Variants in MYCBP2 observed in about 807,000 individuals in gnomAD.
MYCBP2 encodes E3 ubiquitin-protein ligase MYCBP2.
MYCBP2 carries 120 observed loss-of-function variants against 525.3 expected under a neutral mutation model. That is an observed-to-expected ratio of 0.23 (90% CI 0.20 to 0.27). The LOEUF (loss-of-function observed/expected upper bound fraction) is 0.27. MYCBP2 is among the 10% of genes least tolerant of loss of function. MYCBP2 has a pLI of 1.00. For synonymous variants in MYCBP2, 1,894 were observed against 1,955.8 expected (o/e 0.97, Z 0.83); for missense variants, 4,149 against 5,657.1 (o/e 0.73, Z 8.55).
At chr13:77,068,215 T>C (rs2040515169) in intron 70 of MYCBP2, among the ~76,000 whole-genome samples, 1 of 152,176 alleles carries the variant, frequency 6.6e-6, no homozygotes, top group African/African-American at 2.4e-5. Context: ...ATACATACTA[T>C]TCAAATGGTA....
In MYCBP2 at chr13:77,288,349, T is replaced by C. The variant is rs748859335; in HGVS notation, c.406A>G (p.Ile136Val). ...KSENLENTVIIPDIKLHSNPS... is the reference protein window; with the variant it reads ...KSENLENTVIVPDIKLHSNPS... ...TTGCTATGTAGTTTGATATCTGGTA[T>C]GATTACTGTATTCTCTAAGTTTTCA... The change falls in exon 3 of 83, where the codon ATA (isoleucine) becomes GTA (valine). Residue 136 changes from isoleucine to valine, a missense_variant. Physicochemically the swap from Ile to Val is conservative, Grantham distance 29. Coordinates refer to ENST00000544440, the MANE Select transcript of MYCBP2 (RefSeq NM_015057.5). 3 of 1,613,832 alleles carry C rather than the reference T, an allele frequency of 1.9e-6. No homozygotes were observed. In the South Asian group the frequency reaches 3.3e-5, roughly 18 times the overall value.
At chr13:77,158,179 T>C (rs1165567828) in intron 44 of MYCBP2, 70 bp from the exon 45 acceptor site, 13 of 1,029,022 alleles carry the variant, frequency 1.3e-5, no homozygotes, top group Non-Finnish European at 1.6e-5. Flanking sequence ...TTTTTCAACA[T>C]GCAGATACTT....
At chr13:77,293,080 C>T (rs1334486685) in intron 2 of MYCBP2, among the ~76,000 whole-genome samples, 1 of 151,908 alleles carries the variant, frequency 6.6e-6, no homozygotes, top group African/African-American at 2.4e-5. Context: ...ACTTACTGAA[C>T]TGCAAACTTC....
intron 27 of MYCBP2, among the ~76,000 whole-genome samples, chr13:77,193,156 T>TA (rs1053374829): frequency 2.0e-5 from 3 of 151,886 alleles, no homozygotes; most frequent in African/African-American, 7.3e-5. Context: ...AATGAATAAA[T>TA]AAAGAAATAA....
intron 23 of MYCBP2, among the ~76,000 whole-genome samples, chr13:77,210,197 T>C (rs975036869): frequency 3.3e-5 from 5 of 151,738 alleles, no homozygotes; most frequent in Non-Finnish European, 7.4e-5. Context: ...ACAATAATTT[T>C]TTTTTCTTTT....
chr13:77,181,588 T>C (rs9593214), intron 33 of MYCBP2, 113 bp downstream of exon 33: 48,249 of 622,654 alleles, frequency 0.077, 2,258 homozygotes, highest in African/African-American at 0.16. Context: ...CCAAGCTAAA[T>C]ACGCTTAGCT....
At chr13:77,177,031 A>G (rs750962269) in intron 35 of MYCBP2, among the ~76,000 whole-genome samples, 17 of 152,028 alleles carry the variant, frequency 1.1e-4, no homozygotes, top group Non-Finnish European at 2.2e-4. Context: ...TTAATTTTAG[A>G]GAATATAGAA....
chr13:77,077,071 C>T (rs1244980744), intron 67 of MYCBP2, 77 bp downstream of exon 67: 2 of 1,528,424 alleles, frequency 1.3e-6, no homozygotes, highest in African/African-American at 2.8e-5. Flanking sequence ...TAATAAGTTT[C>T]ACAAAATATT....
chr13:77,160,020 C>A (rs2057698516), intron 44 of MYCBP2, among the ~76,000 whole-genome samples: 1 of 151,654 alleles, frequency 6.6e-6, no homozygotes, highest in Non-Finnish European at 1.5e-5. Flanking sequence ...TTATTGACAA[C>A]ACTACAGCTC....
intron 45 of MYCBP2, 35 bp downstream of exon 45, chr13:77,157,902 C>T (rs1184428946): frequency 6.5e-7 from 1 of 1,541,556 alleles, no homozygotes; most frequent in African/African-American, 1.4e-5. Flanking sequence ...AGATGAAAGC[C>T]CTAAAATAAA....
chr13:77,241,957 A>C (rs1031700840), intron 17 of MYCBP2, among the ~76,000 whole-genome samples: 11 of 152,342 alleles, frequency 7.2e-5, no homozygotes, highest in African/African-American at 2.6e-4. Context: ...AAACATTTCT[A>C]ATCAAAATTT....
chr13:77,074,030 C>T (rs559457859), intron 68 of MYCBP2, among the ~76,000 whole-genome samples: 4 of 113,350 alleles, frequency 3.5e-5, no homozygotes, highest in East Asian at 3.2e-4. Flanking sequence ...TTTAAAGAAA[C>T]GGTCAAGCTG....
chr13:77,205,426 T>C, intron 25 of MYCBP2, 43 bp from the exon 26 acceptor site: 2 of 1,612,396 alleles, frequency 1.2e-6, no homozygotes, highest in Non-Finnish European at 1.7e-6. Flanking sequence ...AAGATCCATA[T>C]ATATTTCAGT....
At chr13:77,216,945 C>T (rs2064905099) in intron 21 of MYCBP2, among the ~76,000 whole-genome samples, 1 of 152,080 alleles carries the variant, frequency 6.6e-6, no homozygotes, top group South Asian at 2.1e-4. Context: ...TACATACGTA[C>T]ACACACACAT....
At chr13:77,052,259 C>T (rs189681180) in intron 80 of MYCBP2, among the ~76,000 whole-genome samples, 48 of 152,232 alleles carry the variant, frequency 3.2e-4, no homozygotes, top group Middle Eastern at 3.4e-3. Flanking sequence ...AGCATAGTGG[C>T]GCAATCATGG....
chr13:77,148,364 C>T (rs968926445), intron 47 of MYCBP2, among the ~76,000 whole-genome samples: 2 of 151,818 alleles, frequency 1.3e-5, no homozygotes, highest in African/African-American at 2.4e-5. Context: ...ACTTTTTTTC[C>T]AGCCACTCAC....
At chr13:77,306,817 A>C (rs1341889316) in intron 1 of MYCBP2, among the ~76,000 whole-genome samples, 1 of 152,240 alleles carries the variant, frequency 6.6e-6, no homozygotes, top group Admixed American at 6.5e-5. Flanking sequence ...AGGCACTCTG[A>C]GTGAGAACAG....
intron 47 of MYCBP2, among the ~76,000 whole-genome samples, chr13:77,148,073 C>G (rs1370927084): frequency 2.0e-5 from 3 of 150,056 alleles, no homozygotes; most frequent in Non-Finnish European, 4.4e-5. Context: ...AGACTAGAAA[C>G]TAAATTCCTT....
intron 55 of MYCBP2, among the ~76,000 whole-genome samples, chr13:77,105,067 G>A (rs975400328): frequency 5.3e-5 from 8 of 151,978 alleles, no homozygotes; most frequent in Admixed American, 4.6e-4. Context: ...GAACTAGAAC[G>A]GTGGCAGCCT....
Sources: allele counts gnomAD v4.1 joint callset (sites outside exome capture counted in the v4.1 genomes callset), GRCh38; gene constraint gnomAD v4.1.1; transcripts MANE v1.5; gene names NCBI Gene and HGNC (gene_info 2026-07-23, HGNC 2026-07-21).